Variants in TLR1 observed in about 807,000 individuals in gnomAD.
TLR1 encodes toll like receptor 1, also known as toll-like receptor 1.
TLR1 carries 19 observed loss-of-function variants against 20.2 expected under a neutral mutation model. That is an observed-to-expected ratio of 0.94 (90% CI 0.66 to 1.38). TLR1 has a LOEUF of 1.38. Ranked by LOEUF, TLR1 falls within the 40% of genes most tolerant of loss-of-function variation. The pLI is 0.00. For missense variants in TLR1, 921 were observed against 910.0 expected, an observed-to-expected ratio of 1.01 and a Z score of -0.16; for synonymous variants, 320 against 334.5, an observed-to-expected ratio of 0.96 and a Z score of 0.47.
At chr4:38,802,814 C>T (rs1726761157) in intron 2 of TLR1, among the ~76,000 whole-genome samples, 1 of 152,182 alleles carries the variant, frequency 6.6e-6, no homozygotes, top group Non-Finnish European at 1.5e-5. Context: ...TTTATCATAG[C>T]CATGTAGACA....
Position 38,798,083 on chromosome 4 carries a change from G to T in TLR1, c.749C>A (p.Thr250Asn), listed in dbSNP as rs1560459333. ...CCAAGTTGTTTCAATGTTGTTTAAG[G>T]TAAGATTTGATAACTTTGGATTTGT... The part of the protein sequence containing the change: ...LQTNPKLSNL[T>N]LNNIETTWNS... Residue 250 changes from threonine (T) to asparagine (N), a missense_variant, in exon 4 of 4, where the codon ACC becomes AAC. Thr to Asn is a moderately conservative substitution (Grantham distance 65). Transcript: ENST00000308979. 6 of 1,613,620 alleles carry T rather than the reference G, an allele frequency of 3.7e-6. No individual in the cohort carries two copies. Among genetic ancestry groups the T allele is most frequent in the Non-Finnish European group, 5.1e-6 (6 of 1,179,662 alleles).
rs773313089 is a variant in TLR1, at chr4:38,797,087, A to T, written c.1745T>A (p.Leu582Gln). The T allele has an allele frequency of 1.1e-5, 18 of 1,614,152 alleles. No individual in the cohort carries two copies. The highest frequency in any genetic ancestry group is 1.5e-5 in the Non-Finnish European group (18 of 1,180,064). ...MSELSCNITL[L>Q]IVTIVATMLV... The stretch of plus-strand genomic sequence containing the variant: ...CATGGTGGCAACGATGGTGACGATC[A>T]GCAGAGTTATGTTGCAGGATAATTC... Residue 582 changes from leucine (L) to glutamine (Q), a missense_variant, in exon 4 of 4, where the codon CTG becomes CAG. Coordinates refer to ENST00000308979, the MANE Select transcript of TLR1 (RefSeq NM_003263.4).
At chr4:38,789,279 T>C (rs184684526), downstream of TLR1, among the ~76,000 whole-genome samples, 218 of 152,286 alleles carry the variant, frequency 1.4e-3, 2 homozygotes, top group African/African-American at 4.7e-3. Flanking sequence ...CACTATAAAT[T>C]AGGACTTTAG....
At chr4:38,795,255 G>T (rs1442576177), downstream of TLR1, among the ~76,000 whole-genome samples, 1 of 152,210 alleles carries the variant, frequency 6.6e-6, no homozygotes, top group Non-Finnish European at 1.5e-5. Context: ...CCACGCAGTG[G>T]TATCAGTGAA....
At position 38,804,784 on chromosome 4, in the gene TLR1, C is replaced by A. The variant is rs1219901049; in HGVS notation, c.-267G>T. On this transcript the variant is annotated 5_prime_UTR_variant, in exon 1 of 4. Coordinates refer to ENST00000308979, the MANE Select transcript of TLR1 (RefSeq NM_003263.4). The stretch of plus-strand genomic sequence containing the variant: ...CAACCTGCTTGTCTGTTCCATTTGG[C>A]AGTCTGTAAGAAATTCAAGCACTTC... 1 of 152,020 alleles carries A rather than the reference C, an allele frequency of 6.6e-6. No homozygotes were observed. The highest frequency in any genetic ancestry group is 1.5e-5 in the Non-Finnish European group (1 of 68,014). 9.4% of individuals were successfully genotyped at this position (152,020 alleles called of 1,614,324 possible). A position where few individuals can be genotyped will look rare whatever the true frequency, so the allele number is the denominator to read the frequency against.
chr4:38,798,917 A>G lies in TLR1; in HGVS notation c.-67-19T>C. On this transcript the variant is annotated intron_variant, in intron 3 of 3. Coordinates refer to ENST00000308979, the MANE Select transcript of TLR1 (RefSeq NM_003263.4). ...ACAGATTCTAGAAAAAAAATAATGA[A>G]ATGATGAAATACATTACATACATTT... The G allele has an allele frequency of 9.2e-7, 1 of 1,092,850 alleles. No homozygotes were observed. The highest frequency in any genetic ancestry group is 3.2e-4 in the Middle Eastern group (1 of 3,104). The allele number at this position is 1,092,850 out of a possible 1,614,324, so 67.7% of individuals were successfully genotyped here. A position where few individuals can be genotyped will look rare whatever the true frequency, so the allele number is the denominator to read the frequency against.
At position 38,797,482 on chromosome 4, in the gene TLR1, A is replaced by G. The variant is rs747753882; in HGVS notation, c.1350T>C (p.Leu450=). ...FRCLPPRIKV[L]DLHSNKIKSI... Reference sequence around the variant, plus strand: ...TCTTTATTTTATTGCTGTGAAGATCAAGTACCTTGATCCTGGGAGGTAAAC... The same window carrying G: ...TCTTTATTTTATTGCTGTGAAGATCGAGTACCTTGATCCTGGGAGGTAAAC... The change falls in exon 4 of 4, where the codon CTT becomes CTC. Residue 450 remains leucine, a synonymous_variant. Transcript: ENST00000308979. 6 of 1,614,108 alleles carry G rather than the reference A, an allele frequency of 3.7e-6. No individual in the cohort carries two copies. In the African/African-American group the frequency reaches 6.7e-5, roughly 18 times the overall value.
chr4:38,799,508 G>A (rs909670155), intron 3 of TLR1, among the ~76,000 whole-genome samples: 2 of 152,158 alleles, frequency 1.3e-5, no homozygotes, highest in African/African-American at 4.8e-5. Flanking sequence ...TCTCCAGAAC[G>A]TTGAGGGCAA....
rs751698505 is a variant in TLR1 at position 38,798,163 on chromosome 4, A to G, written c.669T>C (p.Cys223=). 4 of 1,613,948 alleles carry G rather than the reference A, an allele frequency of 2.5e-6. No homozygotes were observed. In the Admixed American group the frequency reaches 6.7e-5, roughly 27 times the overall value. The change falls in exon 4 of 4, where the codon TGT becomes TGC. Residue 223 remains cysteine (C), a synonymous_variant. Coordinates refer to ENST00000308979, the MANE Select transcript of TLR1 (RefSeq NM_003263.4). ...AAGAACATTTGTTATCTTCTAGCAC[A>G]CATTTGATATTAGATAGTTCCAGAT... The part of the protein sequence containing the change: ...VANLELSNIK[C]VLEDNKCSYF...
Position 38,797,644 on chromosome 4 carries a change from C to T in TLR1, c.1188G>A (p.Gln396=). 6.2e-7 allele frequency: 1 copy of T among 1,613,860 alleles called. No homozygotes were observed. Among genetic ancestry groups the T allele is most frequent in the Non-Finnish European group, 8.5e-7 (1 of 1,179,988 alleles). The change falls in exon 4 of 4, where the codon CAG becomes CAA. Residue 396 remains glutamine, a synonymous_variant. Transcript: ENST00000308979. ...TATCCAATTGTTGCAGAGACTTCAT[C>T]TGTGTAGTCATTTCAGCTATTTTTG... ...ELSKIAEMTT[Q]MKSLQQLDIS... is the part of the protein sequence containing the mutation.
At chr4:38,792,262 C>G (rs1725763185), downstream of TLR1, among the ~76,000 whole-genome samples, 1 of 152,116 alleles carries the variant, frequency 6.6e-6, no homozygotes, top group Non-Finnish European at 1.5e-5. Context: ...CTGGAGAGAC[C>G]TATTTTTGGT....
downstream of TLR1, among the ~76,000 whole-genome samples, chr4:38,788,835 C>T (rs1050839901): frequency 4.6e-5 from 7 of 151,998 alleles, no homozygotes; most frequent in East Asian, 3.9e-4. Flanking sequence ...AGCAAGACCC[C>T]GTCTCTACAA....
chr4:38,788,851 T>A (rs928296419), downstream of TLR1, among the ~76,000 whole-genome samples: 1 of 151,916 alleles, frequency 6.6e-6, no homozygotes, highest in Non-Finnish European at 1.5e-5. Context: ...TACAAAAAAA[T>A]TTTTAAATGA....
Position 38,797,466 on chromosome 4 carries a change from T to C in TLR1, c.1366A>G (p.Lys456Glu), listed in dbSNP as rs780094235. 1 of 1,614,206 alleles carries C rather than the reference T, an allele frequency of 6.2e-7. No homozygotes were observed. The highest frequency in any genetic ancestry group is 8.5e-7 in the Non-Finnish European group (1 of 1,180,034). ...RIKVLDLHSNKIKSIPKQVVK... is the reference protein window; with the variant it reads ...RIKVLDLHSNEIKSIPKQVVK... The stretch of plus-strand genomic sequence containing the variant: ...ACTTGTTTAGGAATGCTCTTTATTT[T>C]ATTGCTGTGAAGATCAAGTACCTTG... Residue 456 changes from lysine to glutamate, a missense_variant, in exon 4 of 4, where the codon AAA (lysine) becomes GAA (glutamate). By Grantham distance (56) the Lys-to-Glu change is moderately conservative (BLOSUM62 1). Coordinates refer to ENST00000308979, the MANE Select transcript of TLR1 (RefSeq NM_003263.4).
chr4:38,795,448 A>G (rs940958828), downstream of TLR1, among the ~76,000 whole-genome samples: 7 of 152,232 alleles, frequency 4.6e-5, no homozygotes, highest in Admixed American at 2.6e-4. Flanking sequence ...CTACTTTAAT[A>G]GTTCCCCAAA....
In TLR1 at chr4:38,796,353, C is replaced by T. The variant is rs1726051116; in HGVS notation, c.*118G>A. On this transcript the variant is annotated 3_prime_UTR_variant, in exon 4 of 4. Coordinates refer to ENST00000308979, the MANE Select transcript of TLR1 (RefSeq NM_003263.4). ...TGCGACCCGAAGGTATATATTTTTA[C>T]CTACATCATACACTCACAATTGTGT... 1 of 1,140,772 alleles carries T rather than the reference C, an allele frequency of 8.8e-7. No individual in the cohort carries two copies. The highest frequency in any genetic ancestry group is 1.2e-6 in the Non-Finnish European group (1 of 813,642). 70.7% of individuals were successfully genotyped at this position (1,140,772 alleles called of 1,614,324 possible). A position where few individuals can be genotyped will look rare whatever the true frequency, so the allele number is the denominator to read the frequency against.
At chr4:38,793,953 GAA>G (rs1725871762), downstream of TLR1, among the ~76,000 whole-genome samples, 1 of 151,966 alleles carries the variant, frequency 6.6e-6, no homozygotes, top group Admixed American at 6.6e-5. Flanking sequence ...AAGAGACAGA[GAA>G]AAGACAGCCA....
chr4:38,792,742 C>T (rs961093124), downstream of TLR1, among the ~76,000 whole-genome samples: 2 of 151,364 alleles, frequency 1.3e-5, no homozygotes, highest in African/African-American at 4.9e-5. Flanking sequence ...TGCTAATAAC[C>T]TCACAGTTAA....
upstream of TLR1, chr4:38,805,644 T>C (rs963914171): frequency 1.3e-5 from 2 of 152,196 alleles, no homozygotes; most frequent in Non-Finnish European, 2.9e-5. Context: ...AAACCGGATG[T>C]GGGGATGACA....
Sources: gnomAD v4.1 joint callset for allele counts (sites outside exome capture counted in the v4.1 genomes callset) on GRCh38, gnomAD v4.1.1 for gene constraint, MANE v1.5 for transcripts, NCBI Gene and HGNC (gene_info 2026-07-23, HGNC 2026-07-21) for gene names.